CPQ: variants seen among roughly 807,000 people sequenced by gnomAD.
CPQ encodes Ser-Met dipeptidase.
Under a neutral mutation model 45.7 loss-of-function variants are expected in CPQ, and 37 were observed. That is an observed-to-expected ratio of 0.81 (90% CI 0.62 to 1.07). The LOEUF (loss-of-function observed/expected upper bound fraction) is 1.07, where lower values mean the gene tolerates loss of function less well. Among genes scored for constraint, CPQ ranks in the 50% least tolerant of loss-of-function variants. The pLI, the probability that CPQ is intolerant of heterozygous loss-of-function variation, is 0.00. For synonymous variants in CPQ, 186 were observed against 205.8 expected (o/e 0.90, Z 0.82); for missense variants, 537 against 572.9 (o/e 0.94, Z 0.64).
intron 1 of CPQ, among the ~76,000 whole-genome samples, chr8:96,772,304 A>G (rs1810554125): frequency 6.6e-6 from 1 of 152,068 alleles, no homozygotes; most frequent in South Asian, 2.1e-4. Context: ...TTAACTGACT[A>G]TAGAGTTGAA....
intron 4 of CPQ, among the ~76,000 whole-genome samples, chr8:96,900,483 C>T (rs1018761222): frequency 4.6e-5 from 7 of 152,076 alleles, no homozygotes; most frequent in African/African-American, 1.7e-4. Flanking sequence ...GATATATAGG[C>T]AGAGATCGAT....
intron 3 of CPQ, among the ~76,000 whole-genome samples, chr8:96,851,622 T>C (rs1050673047): frequency 1.3e-5 from 2 of 152,312 alleles, no homozygotes; most frequent in African/African-American, 4.8e-5. Context: ...ATCCCATTTA[T>C]GAGGGGAGGA....
chr8:96,764,821 A>G (rs1810446814), intron 1 of CPQ, among the ~76,000 whole-genome samples: 1 of 152,156 alleles, frequency 6.6e-6, no homozygotes, highest in South Asian at 2.1e-4. Flanking sequence ...GCAGCATGAA[A>G]CCACCCAAAT....
At chr8:96,990,291 T>C (rs1344633525) in intron 5 of CPQ, among the ~76,000 whole-genome samples, 9 of 152,226 alleles carry the variant, frequency 5.9e-5, no homozygotes, top group Non-Finnish European at 1.2e-4. Context: ...AACCAGATGA[T>C]ACTTTCCCAA....
In CPQ at chr8:96,966,019, G is replaced by A; in HGVS notation, c.934G>A (p.Glu312Lys). The A allele has an allele frequency of 6.2e-7, 1 of 1,613,360 alleles. No individual in the cohort carries two copies. Among genetic ancestry groups the A allele is most frequent in the South Asian group, 1.1e-5 (1 of 90,976 alleles). The change falls in exon 5 of 8, where the codon GAA becomes AAA. Residue 312 changes from glutamate (E) to lysine (K), a missense_variant. Glu to Lys is a moderately conservative substitution (Grantham distance 56). Transcript: ENST00000220763. Reference protein sequence around the residue: ...DDGGGAFISWEALSLIKDLGL... With the variant: ...DDGGGAFISWKALSLIKDLGL... ...TGGCGGTGGAGCCTTTATATCATGG[G>A]AAGCACTCTCACTTATTAAAGATCT...
intron 6 of CPQ, chr8:97,056,442 T>G (rs909219524): frequency 4.6e-5 from 7 of 152,038 alleles, no homozygotes; most frequent in African/African-American, 1.4e-4. Flanking sequence ...ATGAGAAGGA[T>G]CATCCAGTAA....
rs201963811 is a variant in CPQ at position 96,708,439 on chromosome 8, A to G, written c.-35+63037A>G. 9.1e-3 allele frequency among the ~76,000 whole-genome samples: 380 copies of G among 41,868 alleles called. 2 individuals are homozygous for G. Among genetic ancestry groups the G allele is most frequent in the Non-Finnish European group, 0.02 (274 of 13,886 alleles). 27.5% of individuals were successfully genotyped at this position (41,868 alleles called of 152,430 possible). A position where few individuals can be genotyped will look rare whatever the true frequency, so the allele number is the denominator to read the frequency against. ...GCCATATGTGTGTGTGTGTGTGTGT[A>G]TATATATATATATATATATACATTG... On this transcript the variant is annotated intron_variant, in intron 1 of 7. Coordinates refer to ENST00000220763, the MANE Select transcript of CPQ (RefSeq NM_016134.4).
chr8:96,832,178 C>T (rs1811468518), intron 2 of CPQ, among the ~76,000 whole-genome samples: 2 of 152,066 alleles, frequency 1.3e-5, no homozygotes, highest in South Asian at 4.1e-4. Context: ...GTAAGGGTAA[C>T]CAGGCTCTAA....
intron 2 of CPQ, among the ~76,000 whole-genome samples, chr8:96,792,244 C>T (rs984696844): frequency 1.3e-5 from 2 of 152,116 alleles, no homozygotes; most frequent in South Asian, 2.1e-4. Context: ...GCACAATCTC[C>T]AATCAGTCCT....
intron 6 of CPQ, among the ~76,000 whole-genome samples, chr8:97,041,695 G>C (rs909919374): frequency 6.6e-6 from 1 of 152,160 alleles, no homozygotes; most frequent in Admixed American, 6.5e-5. Flanking sequence ...TTAGCATGGA[G>C]GGTTGTTGAA....
intron 7 of CPQ, among the ~76,000 whole-genome samples, chr8:97,093,627 G>A (rs1043490747): frequency 6.6e-6 from 1 of 152,090 alleles, no homozygotes; most frequent in African/African-American, 2.4e-5. Context: ...GATAACAGTG[G>A]AGATTCACTC....
intron 6 of CPQ, among the ~76,000 whole-genome samples, chr8:97,042,639 C>G (rs1192961916): frequency 6.6e-6 from 1 of 151,484 alleles, no homozygotes; most frequent in Admixed American, 6.6e-5. Flanking sequence ...ATAAATTTCC[C>G]TCTACACACT....
chr8:96,703,335 A>G (rs1312533046), intron 1 of CPQ, among the ~76,000 whole-genome samples: 3 of 152,170 alleles, frequency 2.0e-5, no homozygotes, highest in Non-Finnish European at 4.4e-5. Flanking sequence ...ATACCACTAT[A>G]TATGTTTTGT....
intron 7 of CPQ, among the ~76,000 whole-genome samples, chr8:97,089,775 G>C (rs1811101067): frequency 6.6e-6 from 1 of 152,092 alleles, no homozygotes; most frequent in Non-Finnish European, 1.5e-5. Context: ...ATTTTGAGTG[G>C]CCTTTTGGAA....
chr8:96,715,082 C>T (rs1367393176), intron 1 of CPQ, among the ~76,000 whole-genome samples: 1 of 152,018 alleles, frequency 6.6e-6, no homozygotes, highest in Non-Finnish European at 1.5e-5. Flanking sequence ...ATTTTTTTCC[C>T]CAGTATTTTA....
At chr8:96,720,193 C>T (rs999383629) in intron 1 of CPQ, among the ~76,000 whole-genome samples, 2 of 152,314 alleles carry the variant, frequency 1.3e-5, no homozygotes, top group African/African-American at 4.8e-5. Context: ...ATTCCTTGAA[C>T]ATATTTAAAA....
intron 4 of CPQ, among the ~76,000 whole-genome samples, chr8:96,926,801 A>G (rs1187469595): frequency 2.0e-5 from 3 of 151,746 alleles, no homozygotes; most frequent in Non-Finnish European, 2.9e-5. Flanking sequence ...TACATTAGGT[A>G]TTTCTCCTAA....
intron 4 of CPQ, 105 bp from the exon 5 acceptor site, chr8:96,965,830 A>G (rs1813547354): frequency 2.9e-6 from 2 of 685,344 alleles, no homozygotes; most frequent in Non-Finnish European, 4.6e-6. Context: ...AATAGGAAAG[A>G]AAATATAAAA....
intron 5 of CPQ, among the ~76,000 whole-genome samples, chr8:96,978,941 A>C (rs1255760955): frequency 6.6e-6 from 1 of 152,168 alleles, no homozygotes; most frequent in African/African-American, 2.4e-5. Context: ...TGTCAGGCAA[A>C]TAATATGGAC....
Sources: gnomAD v4.1 joint callset for allele counts (sites outside exome capture counted in the v4.1 genomes callset) on GRCh38, gnomAD v4.1.1 for gene constraint, MANE v1.5 for transcripts, NCBI Gene and HGNC (gene_info 2026-07-23, HGNC 2026-07-21) for gene names.